DIDO1: variants seen among roughly 807,000 people sequenced by gnomAD.
DIDO1 encodes the protein death-inducer obliterator 1.
DIDO1 carries 16 observed loss-of-function variants against 99.4 expected under a neutral mutation model. That is an observed-to-expected ratio of 0.16 (90% CI 0.11 to 0.24). The LOEUF is 0.24. Among genes scored for constraint, DIDO1 ranks in the 10% least tolerant of loss-of-function variants. The pLI is 1.00. For synonymous variants in DIDO1, 1,366 were observed against 1,239.1 expected (o/e 1.10, Z -2.15); for missense variants, 2,996 against 3,014.0 (o/e 0.99, Z 0.14).
At chr20:62,885,064 A>T (rs1344735321) in intron 15 of DIDO1, among the ~76,000 whole-genome samples, 3 of 152,212 alleles carry the variant, frequency 2.0e-5, no homozygotes, top group Admixed American at 6.5e-5. Flanking sequence ...CTTTTCGGGT[A>T]TGTTCGGTTA....
rs536064984 is a variant in DIDO1 at position 62,881,561 on chromosome 20, G to A, written c.4395C>T (p.Ala1465=). The A allele has an allele frequency of 1.9e-5, 31 of 1,611,994 alleles. No homozygotes were observed. In the South Asian group the frequency reaches 2.4e-4, roughly 13 times the overall value. ...NSVERPAEPV[A]GAATPSLVEQ... is the part of the protein sequence containing the mutation. The stretch of plus-strand genomic sequence containing the variant: ...CCACCAGGGAGGGCGTCGCAGCCCC[G>A]GCCACCGGCTCGGCAGGCCTCTCCA... Residue 1465 remains alanine (A), a synonymous_variant, in exon 16 of 16, where the codon GCC becomes GCT. Transcript: ENST00000395343. This position sits in a 1 kb window ranked among gnomAD's most constrained non-coding sequence, Gnocchi z 8.3.
intron 6 of DIDO1, among the ~76,000 whole-genome samples, chr20:62,902,728 T>G (rs2064711665): frequency 6.6e-6 from 1 of 152,238 alleles, no homozygotes; most frequent in Admixed American, 6.5e-5. Flanking sequence ...GAGGCAGTGC[T>G]TCCACCTGGG....
chr20:62,929,478 G>T (rs1440547421), upstream of DIDO1, among the ~76,000 whole-genome samples: 1 of 152,000 alleles, frequency 6.6e-6, no homozygotes, highest in African/African-American at 2.4e-5. Context: ...GCGGGCCCGC[G>T]ACCCGGGCGG....
intron 6 of DIDO1, chr20:62,904,910 G>A (rs2064767603): frequency 1.4e-5 from 12 of 881,284 alleles, no homozygotes; most frequent in Non-Finnish European, 1.6e-5. Context: ...GGGAAAGTGG[G>A]GCACTCTGTG....
intron 6 of DIDO1, among the ~76,000 whole-genome samples, chr20:62,902,321 T>A (rs182026262): frequency 6.6e-6 from 1 of 152,210 alleles, no homozygotes; most frequent in Non-Finnish European, 1.5e-5. Flanking sequence ...TCCAGTTATA[T>A]GGATAACGTA....
At chr20:62,890,256 AT>A in intron 15 of DIDO1, 1 of 986,010 alleles carries the variant, frequency 1.0e-6, no homozygotes, top group African/African-American at 1.7e-5. Context: ...TGGGCATCAG[AT>A]ACTAACCCCT....
chr20:62,922,094 TACACA>T (rs2065156429), intron 1 of DIDO1, among the ~76,000 whole-genome samples: 1 of 84,410 alleles, frequency 1.2e-5, no homozygotes, highest in African/African-American at 4.4e-5. Flanking sequence ...ACACTATATA[TACACA>T]CTATATATAT....
At chr20:62,884,161 G>C (rs757105695) in intron 15 of DIDO1, among the ~76,000 whole-genome samples, 5 of 152,070 alleles carry the variant, frequency 3.3e-5, no homozygotes, top group Non-Finnish European at 7.4e-5. Flanking sequence ...GAGCAGAGCA[G>C]GTGGACGACG....
intron 1 of DIDO1, among the ~76,000 whole-genome samples, chr20:62,935,378 A>C (rs1299944439): frequency 1.3e-5 from 2 of 152,186 alleles, no homozygotes; most frequent in Non-Finnish European, 2.9e-5. Context: ...TAATCAACTC[A>C]CATGAAGCTT....
chr20:62,889,025 TTG>T, intron 15 of DIDO1: 1 of 985,490 alleles, frequency 1.0e-6, no homozygotes, highest in Non-Finnish European at 1.2e-6. Context: ...CCTGGGGCTT[TTG>T]TGTGTCCCCG....
intron 1 of DIDO1, among the ~76,000 whole-genome samples, chr20:62,935,789 C>T (rs1347048864): frequency 6.6e-6 from 1 of 152,186 alleles, no homozygotes; most frequent in Non-Finnish European, 1.5e-5. Flanking sequence ...GAGAGATCAC[C>T]CTGTCTGCTA....
At position 62,881,786 on chromosome 20, in the gene DIDO1, C is replaced by G; in HGVS notation, c.4170G>C (p.Glu1390Asp). The change falls in exon 16 of 16, where the codon GAG becomes GAC. Residue 1390 changes from glutamate (E) to aspartate (D), a missense_variant. Glu to Asp is a conservative substitution (Grantham distance 45). Transcript: ENST00000395343. The surrounding 1 kb of genome is among the most constrained non-coding windows in gnomAD (Gnocchi z 8.3). Reference sequence around the variant, plus strand: ...TGTCGAAGGCCCTCTCCGGGTCGTACTCCTCCTCAGGGTCGTATGGCCTGT... The same window carrying G: ...TGTCGAAGGCCCTCTCCGGGTCGTAGTCCTCCTCAGGGTCGTATGGCCTGT... ...EDDRPYDPEE[E>D]YDPERAFDTQ... is the part of the protein sequence containing the mutation. The G allele has an allele frequency of 6.2e-7, 1 of 1,613,434 alleles. No homozygotes were observed. Among genetic ancestry groups the G allele is most frequent in the South Asian group, 1.1e-5 (1 of 91,084 alleles).
chr20:62,881,567 C>T lies in DIDO1; in HGVS notation c.4389G>A (p.Pro1463=), dbSNP rs764917683. 3.1e-6 allele frequency: 5 copies of T among 1,611,238 alleles called. No homozygotes were observed. The Admixed American group carries it at 5.0e-5, about 16-fold the overall frequency. ...RRNSVERPAE[P]VAGAATPSLV... is the part of the protein sequence containing the mutation. ...GGGAGGGCGTCGCAGCCCCGGCCAC[C>T]GGCTCGGCAGGCCTCTCCACGGAGT... The change falls in exon 16 of 16, where the codon CCG becomes CCA. Residue 1463 remains proline (P), a synonymous_variant. Coordinates refer to ENST00000395343, the MANE Select transcript of DIDO1 (RefSeq NM_001193369.2). The surrounding 1 kb of genome is among the most constrained non-coding windows in gnomAD (Gnocchi z 8.3).
At position 62,925,427 on chromosome 20, in the gene DIDO1, G is replaced by A. The variant is rs559332793; in HGVS notation, c.-200+1012C>T. ...CACGGGGTATATAGCAAAGTTATGT[G>A]AATATACCGAAAAGACGTTCCCATC... On this transcript the variant is annotated intron_variant, in intron 1 of 15. Coordinates refer to ENST00000395343, the MANE Select transcript of DIDO1 (RefSeq NM_001193369.2). Among the ~76,000 whole-genome samples the A allele has an allele frequency of 3.0e-4, 46 of 152,344 alleles. 1 individual carries two copies. The highest frequency in any genetic ancestry group is 1.1e-3 in the African/African-American group (44 of 41,574).
At position 62,879,416 on chromosome 20, in the gene DIDO1, C is replaced by G. The variant is rs2064157182; in HGVS notation, c.6540G>C (p.Glu2180Asp). 1.9e-6 allele frequency: 3 copies of G among 1,544,512 alleles called. No homozygotes were observed. In the African/African-American group the frequency reaches 4.1e-5, roughly 21 times the overall value. The part of the protein sequence containing the change: ...DRSRERSRNR[E>D]RERDRRRDRD... ...GGTCGCGCCTCCGGTCTCGCTCGCG[C>G]TCTCGGTTCCTGCTCCGCTCCCGGC... The change falls in exon 16 of 16, where the codon GAG (glutamate) becomes GAC (aspartate). Residue 2180 changes from glutamate to aspartate, a missense_variant. Glu to Asp is a conservative substitution (Grantham distance 45, BLOSUM62 2). This residue lies in a region of DIDO1 where 1,562 missense variants were observed against 1,412.6 expected (regional missense o/e 1.11). Coordinates refer to ENST00000395343, the MANE Select transcript of DIDO1 (RefSeq NM_001193369.2). This position sits in a 1 kb window ranked among gnomAD's most constrained non-coding sequence, Gnocchi z 6.3.
intron 4 of DIDO1, among the ~76,000 whole-genome samples, chr20:62,907,677 G>A (rs558777672): frequency 2.6e-5 from 4 of 152,348 alleles, no homozygotes; most frequent in East Asian, 3.9e-4. Context: ...ATGAGGCTCC[G>A]CTAGAGGACC....
At chr20:62,933,552 T>C (rs2065351477) in intron 1 of DIDO1, among the ~76,000 whole-genome samples, 1 of 152,352 alleles carries the variant, frequency 6.6e-6, no homozygotes, top group Admixed American at 6.5e-5. Flanking sequence ...GCTGATATCC[T>C]GGTTTTTAAA....
Position 62,910,771 on chromosome 20 carries a change from C to A in DIDO1, c.839+3G>T. ...TTTCTGTGGGTGCCCACACATGACC[C>A]ACCTGTTGTTGTGAGGCTGGCGGCA... On this transcript the variant is annotated splice_donor_region_variant and intron_variant, in intron 3 of 15. Transcript: ENST00000395343. 1 of 1,608,910 alleles carries A rather than the reference C, an allele frequency of 6.2e-7. No homozygotes were observed. Among genetic ancestry groups the A allele is most frequent in the Non-Finnish European group, 8.5e-7 (1 of 1,175,712 alleles).
At chr20:62,922,123 CACAT>C (rs1198579432) in intron 1 of DIDO1, among the ~76,000 whole-genome samples, 3 of 146,764 alleles carry the variant, frequency 2.0e-5, no homozygotes, top group Admixed American at 6.8e-5. Context: ...CACACACACA[CACAT>C]ATATACATAT....
Sources: gnomAD v4.1 joint callset for allele counts (sites outside exome capture counted in the v4.1 genomes callset) on GRCh38, gnomAD v4.1.1 for gene constraint, gnomAD v4.1.1 regional missense constraint, Gnocchi (gnomAD v3.1) non-coding constraint, MANE v1.5 for transcripts, NCBI Gene and HGNC (gene_info 2026-07-23, HGNC 2026-07-21) for gene names.